Variants in ZFHX3 observed in about 807,000 individuals in gnomAD.
ZFHX3 encodes zinc finger homeobox 3, also known as zinc finger homeobox protein 3.
A neutral mutation model predicts 279.1 loss-of-function variants in ZFHX3; 42 were observed. The ratio of observed to expected loss-of-function variants is 0.15; its 90% CI spans 0.12 to 0.19. ZFHX3 has a LOEUF of 0.19. Ranked by LOEUF, ZFHX3 falls within the 10% of genes least tolerant of loss-of-function variation. ZFHX3 has a pLI of 1.00. For synonymous variants in ZFHX3, 2,293 were observed against 1,957.8 expected (o/e 1.17, Z -4.52); for missense variants, 4,981 against 4,754.0 (o/e 1.05, Z -1.40).
chr16:73,285,388 T>A (rs1331315105), intron 4 of ZFHX3, among the ~76,000 whole-genome samples: 1 of 152,152 alleles, frequency 6.6e-6, no homozygotes, highest in Non-Finnish European at 1.5e-5. Flanking sequence ...ATTAAACCAT[T>A]AAATGCTAAA....
intron 2 of ZFHX3, among the ~76,000 whole-genome samples, chr16:73,537,924 A>T (rs962022845): frequency 6.6e-6 from 1 of 152,238 alleles, no homozygotes; most frequent in Non-Finnish European, 1.5e-5. Flanking sequence ...CAATCTTGAA[A>T]AGGCCATTAC....
At chr16:73,014,982 T>G (rs530241189) in intron 1 of ZFHX3, 1 of 151,876 alleles carries the variant, frequency 6.6e-6, no homozygotes, top group East Asian at 1.9e-4. Flanking sequence ...AAACCTCTCT[T>G]TCTCCATCAC....
intron 7 of ZFHX3, among the ~76,000 whole-genome samples, chr16:73,126,305 G>C (rs566224635): frequency 6.6e-6 from 1 of 152,172 alleles, no homozygotes; most frequent in Non-Finnish European, 1.5e-5. Flanking sequence ...CAATCAGCGA[G>C]AGGATACTGC....
At chr16:72,867,010 T>C (rs2038038821) in intron 4 of ZFHX3, among the ~76,000 whole-genome samples, 1 of 152,208 alleles carries the variant, frequency 6.6e-6, no homozygotes, top group African/African-American at 2.4e-5. Context: ...CTTTTCTTAA[T>C]TTGGAGAGGG....
At chr16:73,246,082 T>C (rs2144949229) in intron 5 of ZFHX3, among the ~76,000 whole-genome samples, 1 of 152,224 alleles carries the variant, frequency 6.6e-6, no homozygotes. Context: ...AGTCCCAGGG[T>C]CCCAGCCAAG....
At chr16:73,358,148 G>C (rs900476322) in intron 3 of ZFHX3, among the ~76,000 whole-genome samples, 1 of 152,204 alleles carries the variant, frequency 6.6e-6, no homozygotes, top group African/African-American at 2.4e-5. Flanking sequence ...GCCTTGCTTT[G>C]TACGGATTTG....
intron 1 of ZFHX3, among the ~76,000 whole-genome samples, chr16:73,685,220 G>T (rs1023257411): frequency 6.6e-6 from 1 of 151,110 alleles, no homozygotes; most frequent in Non-Finnish European, 1.5e-5. Context: ...GTTTCACCGT[G>T]TTGGCCCAGA....
chr16:73,567,491 A>G (rs1485116177), intron 2 of ZFHX3, among the ~76,000 whole-genome samples: 3 of 152,322 alleles, frequency 2.0e-5, no homozygotes, highest in Admixed American at 6.5e-5. Flanking sequence ...TTTCTCTACC[A>G]GGATAACACC....
intron 4 of ZFHX3, among the ~76,000 whole-genome samples, chr16:73,267,778 TG>T (rs2014020266): frequency 6.6e-6 from 1 of 152,188 alleles, no homozygotes; most frequent in African/African-American, 2.4e-5. Flanking sequence ...GACTCAGCAT[TG>T]CTGTTTCCAT....
At chr16:73,001,440 C>T (rs1162588396) in intron 1 of ZFHX3, among the ~76,000 whole-genome samples, 1 of 152,158 alleles carries the variant, frequency 6.6e-6, no homozygotes, top group Non-Finnish European at 1.5e-5. Flanking sequence ...AAGTGCTTGC[C>T]ATTTTAAGCT....
chr16:72,940,279 C>T (rs1960349691), intron 3 of ZFHX3, among the ~76,000 whole-genome samples: 1 of 152,140 alleles, frequency 6.6e-6, no homozygotes, highest in South Asian at 2.1e-4. Context: ...ATGGCCAGCA[C>T]AAAATCAGTA....
intron 3 of ZFHX3, among the ~76,000 whole-genome samples, chr16:72,936,048 T>G (rs1015199531): frequency 2.7e-4 from 41 of 152,170 alleles, no homozygotes; most frequent in African/African-American, 8.2e-4. Context: ...TTCAAAGTAA[T>G]TTGACACCAG....
chr16:73,163,640 A>G (rs1330875877), intron 5 of ZFHX3, among the ~76,000 whole-genome samples: 2 of 152,242 alleles, frequency 1.3e-5, no homozygotes, highest in Non-Finnish European at 2.9e-5. Flanking sequence ...AAAGGACAAT[A>G]GTAAGTGGAC....
At chr16:73,783,564 ATG>A (rs1319925563) in intron 1 of ZFHX3, among the ~76,000 whole-genome samples, 5 of 152,188 alleles carry the variant, frequency 3.3e-5, no homozygotes, top group African/African-American at 1.2e-4. Context: ...GACCTATAGC[ATG>A]TGGGAAAGTT....
intron 7 of ZFHX3, among the ~76,000 whole-genome samples, chr16:73,104,309 C>T (rs573183624): frequency 1.1e-4 from 16 of 152,270 alleles, no homozygotes; most frequent in Non-Finnish European, 2.1e-4. Flanking sequence ...TAGTTCGATG[C>T]AACCTCCACC....
At chr16:73,308,151 C>A (rs114458810) in intron 4 of ZFHX3, among the ~76,000 whole-genome samples, 6,145 of 149,070 alleles carry the variant, frequency 0.041, 376 homozygotes, top group African/African-American at 0.13. Flanking sequence ...AAATCTAGCA[C>A]ATATTTTGAG....
At chr16:73,364,386 T>C (rs1013588159) in intron 3 of ZFHX3, among the ~76,000 whole-genome samples, 1 of 150,120 alleles carries the variant, frequency 6.7e-6, no homozygotes, top group Non-Finnish European at 1.5e-5. Context: ...ATAATAATAA[T>C]AGTAATAATA....
chr16:73,836,211 C>T (rs1273989358), intron 1 of ZFHX3, among the ~76,000 whole-genome samples: 1 of 152,198 alleles, frequency 6.6e-6, no homozygotes, highest in African/African-American at 2.4e-5. Context: ...TCCCATTCCA[C>T]ATTGAACCCA....
At chr16:73,104,513 A>G (rs1011257851) in intron 7 of ZFHX3, among the ~76,000 whole-genome samples, 2 of 152,206 alleles carry the variant, frequency 1.3e-5, no homozygotes, top group Non-Finnish European at 2.9e-5. Flanking sequence ...TACAGGCATG[A>G]GCCACCATGC....
Sources: gnomAD v4.1 joint callset for allele counts (sites outside exome capture counted in the v4.1 genomes callset) on GRCh38, gnomAD v4.1.1 for gene constraint, MANE v1.5 for transcripts, NCBI Gene and HGNC (gene_info 2026-07-23, HGNC 2026-07-21) for gene names.